ACTN4: variants seen among roughly 807,000 people sequenced by gnomAD.
ACTN4 encodes the protein alpha-actinin-4.
In ACTN4, 18 loss-of-function variants were observed where a neutral mutation model predicts 114.2. The ratio of observed to expected loss-of-function variants is 0.16; its 90% CI spans 0.11 to 0.23. ACTN4 has a LOEUF of 0.23. Among genes scored for constraint, ACTN4 ranks in the 10% least tolerant of loss-of-function variants. The pLI is 1.00. For synonymous variants in ACTN4, 515 were observed against 506.3 expected (o/e 1.02, Z -0.23); for missense variants, 722 against 1,262.9 (o/e 0.57, Z 6.49).
At chr19:38,700,078 G>A (rs1476753865) in intron 1 of ACTN4, among the ~76,000 whole-genome samples, 1 of 152,198 alleles carries the variant, frequency 6.6e-6, no homozygotes, top group African/African-American at 2.4e-5. Flanking sequence ...GGTCACGGAA[G>A]CCAGGGTCCA....
chr19:38,700,867 A>G lies in ACTN4; in HGVS notation c.278-135A>G, dbSNP rs140988133. The G allele has an allele frequency of 1.3e-4, 191 of 1,422,052 alleles. No individual in the cohort carries two copies. In the African/African-American group the frequency reaches 2.2e-3, roughly 16 times the overall value. The allele number at this position is 1,422,052 out of a possible 1,614,324, so 88.1% of individuals were successfully genotyped here. A position where few individuals can be genotyped will look rare whatever the true frequency, so the allele number is the denominator to read the frequency against. ...GCACGGTGGTCTGATGGGTGGGGCC[A>G]GAGTGGCCTGGTGGGCCAGCAGAGG... On this transcript the variant is annotated intron_variant, in intron 2 of 20. Coordinates refer to ENST00000252699, the MANE Select transcript of ACTN4 (RefSeq NM_004924.6).
rs537399075 is a variant in ACTN4, at chr19:38,696,163, T to C, written c.163-4437T>C. On this transcript the variant is annotated intron_variant, in intron 1 of 20. Coordinates refer to ENST00000252699, the MANE Select transcript of ACTN4 (RefSeq NM_004924.6). ...TTATTGCTGTTATTATTACCACTTT[T>C]CCTAAGGGCGTTATTTCTGGAGTGG... Among the ~76,000 whole-genome samples the C allele has an allele frequency of 2.6e-5, 4 of 152,288 alleles. No individual in the cohort carries two copies. In the East Asian group the frequency reaches 7.7e-4, roughly 29 times the overall value.
At chr19:38,682,207 GTTTA>G (rs988169753) in intron 1 of ACTN4, among the ~76,000 whole-genome samples, 4 of 151,992 alleles carry the variant, frequency 2.6e-5, no homozygotes, top group African/African-American at 9.7e-5. Flanking sequence ...TTTAAATTTT[GTTTA>G]TTTATTTTTA....
At position 38,673,583 on chromosome 19, in the gene ACTN4, A is replaced by G. The variant is rs1312306854; in HGVS notation, c.162+25676A>G. On this transcript the variant is annotated intron_variant, in intron 1 of 20. Transcript: ENST00000252699. Reference sequence around the variant, plus strand: ...TATATATATTTATATATATTCATATATATTTATATATATTCATATATATTC... The same window carrying G: ...TATATATATTTATATATATTCATATGTATTTATATATATTCATATATATTC... Among the ~76,000 whole-genome samples, 5 of 113,534 alleles carry G rather than the reference A, an allele frequency of 4.4e-5. No homozygotes were observed. In the South Asian group the frequency reaches 9.8e-4, roughly 22 times the overall value. The allele number at this position is 113,534 out of a possible 152,430, so 74.5% of individuals were successfully genotyped here.
At chr19:38,701,226 C>T in intron 3 of ACTN4, 105 bp downstream of exon 3, 1 of 1,566,846 alleles carries the variant, frequency 6.4e-7, no homozygotes, top group Non-Finnish European at 8.7e-7. Flanking sequence ...TGGCAGGGCG[C>T]TTGGGGCACT....
rs1968871809 is a variant in ACTN4, at chr19:38,717,246, A to G, written c.1073A>G (p.Asn358Ser). The change falls in exon 10 of 21, where the codon AAC becomes AGC. Residue 358 changes from asparagine (N) to serine (S), a missense_variant. Around this residue, in one of 3 missense-constraint regions of ACTN4, gnomAD observed 523 missense variants for 875.9 expected, o/e 0.60. Coordinates refer to ENST00000252699, the MANE Select transcript of ACTN4 (RefSeq NM_004924.6). This position sits in a 1 kb window ranked among gnomAD's most constrained non-coding sequence, Gnocchi z 4.0. ...QEKCQLEINF[N>S]TLQTKLRLSN... ...AAGTGCCAGCTGGAGATCAACTTCAACACGCTGCAGACCAAGCTGCGCCTC... is the reference window on the plus strand; with the variant it reads ...AAGTGCCAGCTGGAGATCAACTTCAGCACGCTGCAGACCAAGCTGCGCCTC... 6.2e-7 allele frequency: 1 copy of G among 1,614,016 alleles called. No individual in the cohort carries two copies. The highest frequency in any genetic ancestry group is 1.3e-5 in the African/African-American group (1 of 74,894).
At chr19:38,673,644 TATTTATATATTTATATATA>T in intron 1 of ACTN4, among the ~76,000 whole-genome samples, 2 of 50,884 alleles carry the variant, frequency 3.9e-5, no homozygotes, top group South Asian at 5.4e-4. Flanking sequence ...TATTTATATA[TATTTATATATTTATATATA>T]TTATATATAT....
At chr19:38,707,874 G>A (rs1011710769) in intron 5 of ACTN4, among the ~76,000 whole-genome samples, 4 of 152,196 alleles carry the variant, frequency 2.6e-5, no homozygotes, top group Non-Finnish European at 4.4e-5. Flanking sequence ...TGTGGAAACC[G>A]AGATAGCCTG....
chr19:38,693,098 G>A (rs1967982753), intron 1 of ACTN4, among the ~76,000 whole-genome samples: 1 of 152,204 alleles, frequency 6.6e-6, no homozygotes, highest in Non-Finnish European at 1.5e-5. Context: ...CGGGTGGGCA[G>A]TGTACACGGC....
chr19:38,729,036 C>T lies in ACTN4; in HGVS notation c.2459C>T (p.Pro820Leu). 6.2e-7 allele frequency: 1 copy of T among 1,613,516 alleles called. No individual in the cohort carries two copies. The highest frequency in any genetic ancestry group is 2.2e-5 in the East Asian group (1 of 44,884). Reference protein sequence around the residue: ...EFNRIMSLVDPNHSGLVTFQA... With the variant: ...EFNRIMSLVDLNHSGLVTFQA... ...AACCGCATCATGAGCCTGGTCGACC[C>T]CAACCATAGCGGCCTTGTGACCTTC... Residue 820 changes from proline (P) to leucine (L), a missense_variant, in exon 20 of 21, where the codon CCC (proline) becomes CTC (leucine). Physicochemically the swap from Pro to Leu is moderately conservative, Grantham distance 98. Around this residue, in one of 3 missense-constraint regions of ACTN4, gnomAD observed 523 missense variants for 875.9 expected, o/e 0.60. Transcript: ENST00000252699.
At chr19:38,725,665 G>A in intron 16 of ACTN4, 59 bp from the exon 17 acceptor site, 2 of 1,584,014 alleles carry the variant, frequency 1.3e-6, no homozygotes, top group South Asian at 2.3e-5. Flanking sequence ...GGCTCCTCCA[G>A]GTGGTCAGTG....
At position 38,727,251 on chromosome 19, in the gene ACTN4, CAG is replaced by C. The variant is rs1332327677; in HGVS notation, c.2337+149_2337+150del. On this transcript the variant is annotated intron_variant, in intron 18 of 20. Coordinates refer to ENST00000252699, the MANE Select transcript of ACTN4 (RefSeq NM_004924.6). This position sits in a 1 kb window ranked among gnomAD's most constrained non-coding sequence, Gnocchi z 5.4. ...AGGGCCAGCAGGGCCCTGCCACTGT[CAG>C]GGTGTAGGTGTGCGGCACCAAGACC... 1 of 1,304,154 alleles carries C rather than the reference CAG, an allele frequency of 7.7e-7. No homozygotes were observed. Among genetic ancestry groups the C allele is most frequent in the Non-Finnish European group, 1.1e-6 (1 of 931,372 alleles). 80.8% of individuals were successfully genotyped at this position (1,304,154 alleles called of 1,614,324 possible).
chr19:38,667,866 G>C (rs1238680251), intron 1 of ACTN4, among the ~76,000 whole-genome samples: 1 of 152,160 alleles, frequency 6.6e-6, no homozygotes, highest in Admixed American at 6.5e-5. Context: ...GGAAGTCTAA[G>C]AGGTATAAAC....
chr19:38,672,943 CTTTTTTTT>C (rs35501640), intron 1 of ACTN4, among the ~76,000 whole-genome samples: 2 of 122,914 alleles, frequency 1.6e-5, no homozygotes, highest in African/African-American at 6.1e-5. Flanking sequence ...GCCATCCATT[CTTTTTTTT>C]TTTTTTTTTT....
chr19:38,726,820 C>A (rs1281702733), intron 17 of ACTN4, 137 bp from the exon 18 acceptor site: 2 of 1,324,856 alleles, frequency 1.5e-6, no homozygotes, highest in African/African-American at 1.4e-5. Flanking sequence ...CACCATGGCC[C>A]GTGTCCCCTG....
At position 38,717,106 on chromosome 19, in the gene ACTN4, C is replaced by T. The variant is rs754506208; in HGVS notation, c.933C>T (p.Arg311=). 1 of 1,613,950 alleles carries T rather than the reference C, an allele frequency of 6.2e-7. No individual in the cohort carries two copies. The highest frequency in any genetic ancestry group is 1.1e-5 in the South Asian group (1 of 91,040). The change falls in exon 10 of 21, where the codon CGC becomes CGT. Residue 311 remains arginine, a synonymous_variant. Transcript: ENST00000252699. The surrounding 1 kb of genome is among the most constrained non-coding windows in gnomAD (Gnocchi z 4.0). ...CACAGCTCCTGGAGTGGATCCGGCG[C>T]ACCATCCCCTGGCTGGAGGACCGTG... ...LASDLLEWIR[R]TIPWLEDRVP...
At chr19:38,696,504 G>A (rs985425158) in intron 1 of ACTN4, among the ~76,000 whole-genome samples, 1 of 152,158 alleles carries the variant, frequency 6.6e-6, no homozygotes, top group Non-Finnish European at 1.5e-5. Flanking sequence ...GAAGCAGAGT[G>A]TTATTTTTGT....
In ACTN4 at chr19:38,721,630, G is replaced by T; in HGVS notation, c.1384G>T (p.Asp462Tyr). The part of the protein sequence containing the change: ...LIRKHEAFES[D>Y]LAAHQDRVEQ... ...TCGCAAGCACGAGGCCTTCGAGAGC[G>T]ACCTGGCTGCGCACCAGGACCGCGT... Residue 462 changes from aspartate to tyrosine, a missense_variant, in exon 12 of 21, where the codon GAC (aspartate) becomes TAC (tyrosine). Transcript: ENST00000252699. The T allele has an allele frequency of 6.2e-7, 1 of 1,614,036 alleles. No individual in the cohort carries two copies. Among genetic ancestry groups the T allele is most frequent in the Non-Finnish European group, 8.5e-7 (1 of 1,180,036 alleles).
At chr19:38,667,525 T>C (rs990239416) in intron 1 of ACTN4, among the ~76,000 whole-genome samples, 5 of 152,162 alleles carry the variant, frequency 3.3e-5, no homozygotes, top group Non-Finnish European at 7.3e-5. Context: ...CTGCTGCTTT[T>C]TCAGAGACAG....
Sources: allele counts gnomAD v4.1 joint callset (sites outside exome capture counted in the v4.1 genomes callset), GRCh38; gene constraint gnomAD v4.1.1; regional missense constraint gnomAD v4.1.1; non-coding constraint Gnocchi (gnomAD v3.1); transcripts MANE v1.5; gene names NCBI Gene and HGNC (gene_info 2026-07-23, HGNC 2026-07-21).